ARHGAP6: variants seen among roughly 807,000 people sequenced by gnomAD.
The protein encoded by ARHGAP6 is Rho GTPase activating protein 6, also known as rho GTPase-activating protein 6.
A neutral mutation model predicts 55.7 loss-of-function variants in ARHGAP6; 16 were observed. The observed-to-expected ratio is 0.29, with a 90% CI of 0.19 to 0.44. ARHGAP6 has a LOEUF of 0.44. Ranked by LOEUF, ARHGAP6 falls within the 20% of genes least tolerant of loss-of-function variation. The pLI, the probability that ARHGAP6 is intolerant of heterozygous loss-of-function variation, is 1.00. For missense variants in ARHGAP6, 698 were observed against 808.9 expected (o/e 0.86, Z 1.66); for synonymous variants, 382 against 360.9 (o/e 1.06, Z -0.66).
intron 1 of ARHGAP6, among the ~76,000 whole-genome samples, chrX:11,480,554 A>G (rs2050446083): frequency 8.9e-6 from 1 of 112,240 alleles, no homozygotes; most frequent in African/African-American, 3.2e-5. Context: ...ACACCTCTGT[A>G]AATATACTAA....
At chrX:11,630,177 T>C (rs12836212) in intron 1 of ARHGAP6, among the ~76,000 whole-genome samples, 5 of 112,043 alleles carry the variant, frequency 4.5e-5, no homozygotes, top group Non-Finnish European at 7.5e-5. Context: ...TAGAAAGTTG[T>C]TAGTAGAATT....
At chrX:11,397,142 C>A (rs2049487088) in intron 1 of ARHGAP6, among the ~76,000 whole-genome samples, 1 of 111,795 alleles carries the variant, frequency 8.9e-6, no homozygotes, top group African/African-American at 3.3e-5. Flanking sequence ...AGGTCAGAAT[C>A]AGGCTGCAAA....
chrX:11,488,952 G>A (rs533674942), intron 1 of ARHGAP6, among the ~76,000 whole-genome samples: 1 of 111,890 alleles, frequency 8.9e-6, no homozygotes, highest in East Asian at 2.8e-4. Context: ...CATTTTATCA[G>A]ATGTAACGTG....
chrX:11,167,071 G>A (rs753690441), intron 9 of ARHGAP6, among the ~76,000 whole-genome samples: 2 of 111,885 alleles, frequency 1.8e-5, no homozygotes, highest in South Asian at 7.4e-4. Context: ...GTAAGGCTTG[G>A]TAATATGGAA....
intron 1 of ARHGAP6, among the ~76,000 whole-genome samples, chrX:11,600,102 GC>G (rs1419031460): frequency 9.0e-6 from 1 of 111,689 alleles, no homozygotes; most frequent in Non-Finnish European, 1.9e-5. Context: ...TGCAGTGATA[GC>G]CAAGATACCA....
At chrX:11,439,488 T>A (rs1371918554) in intron 1 of ARHGAP6, among the ~76,000 whole-genome samples, 2 of 112,314 alleles carry the variant, frequency 1.8e-5, no homozygotes, top group African/African-American at 6.5e-5. Flanking sequence ...GCAGAAAATG[T>A]TCACCCACCC....
At chrX:11,492,520 C>T (rs2050581586) in intron 1 of ARHGAP6, among the ~76,000 whole-genome samples, 1 of 111,425 alleles carries the variant, frequency 9.0e-6, no homozygotes, top group Admixed American at 9.6e-5. Context: ...TAATGAACAG[C>T]TAAACAAACA....
intron 1 of ARHGAP6, among the ~76,000 whole-genome samples, chrX:11,317,478 T>C (rs1474709289): frequency 8.9e-6 from 1 of 112,076 alleles, no homozygotes; most frequent in South Asian, 3.7e-4. Context: ...GAGGTGACAC[T>C]TAGAGGGACA....
At chrX:11,508,852 T>TACAC (rs199575300) in intron 1 of ARHGAP6, among the ~76,000 whole-genome samples, 2,411 of 101,923 alleles carry the variant, frequency 0.024, 25 homozygotes, top group Middle Eastern at 0.029. Context: ...CAACTCATAC[T>TACAC]ACACACACAC....
intron 1 of ARHGAP6, among the ~76,000 whole-genome samples, chrX:11,621,012 G>T (rs1159867087): frequency 8.9e-6 from 1 of 112,002 alleles, no homozygotes; most frequent in East Asian, 2.8e-4. Context: ...CTGGAGACTG[G>T]CTCTGCATTA....
chrX:11,503,196 A>G lies in ARHGAP6; in HGVS notation c.588+161045T>C, dbSNP rs776210131. On this transcript the variant is annotated intron_variant, in intron 1 of 12. Transcript: ENST00000337414. The stretch of plus-strand genomic sequence containing the variant: ...CAGGTGTGAGCCACCGTGCCCAGCC[A>G]TATGCAGATTTTATATTGCAGAGAG... 6.9e-4 allele frequency among the ~76,000 whole-genome samples: 77 copies of G among 111,465 alleles called. 1 individual carries two copies. Among genetic ancestry groups the G allele is most frequent in the Non-Finnish European group, 1.2e-3 (65 of 53,024 alleles).
intron 2 of ARHGAP6, among the ~76,000 whole-genome samples, chrX:11,230,909 T>G (rs1009934663): frequency 9.0e-6 from 1 of 110,743 alleles, no homozygotes; most frequent in African/African-American, 3.3e-5. Flanking sequence ...GTGCCTTTGT[T>G]GCACTCCATG....
chrX:11,613,194 A>C (rs781637090), intron 1 of ARHGAP6, among the ~76,000 whole-genome samples: 1 of 112,100 alleles, frequency 8.9e-6, no homozygotes, highest in African/African-American at 3.2e-5. Flanking sequence ...ACCTGACCCA[A>C]GGAGGGTCAA....
intron 1 of ARHGAP6, among the ~76,000 whole-genome samples, chrX:11,585,242 A>ATG (rs1308925353): frequency 2.6e-3 from 290 of 111,962 alleles, no homozygotes; most frequent in African/African-American, 9.0e-3. Context: ...CAATGAACAT[A>ATG]TGTGTGTGTG....
chrX:11,264,128 G>A (rs577456631), intron 1 of ARHGAP6, among the ~76,000 whole-genome samples: 1 of 110,126 alleles, frequency 9.1e-6, no homozygotes, highest in East Asian at 2.9e-4. Flanking sequence ...TGGACTAAAA[G>A]TAAAGACACA....
intron 1 of ARHGAP6, chrX:11,266,064 TGTGTGTGTGA>T (rs1421878638): frequency 5.1e-5 from 21 of 412,013 alleles, no homozygotes; most frequent in Non-Finnish European, 5.6e-5. Context: ...TGTGTGTGTG[TGTGTGTGTGA>T]GAGAGAGAGA....
At chrX:11,497,559 T>TTCTCTCTCTCTCTCTCTCTC (rs34138329) in intron 1 of ARHGAP6, among the ~76,000 whole-genome samples, 3 of 41,144 alleles carry the variant, frequency 7.3e-5, no homozygotes, top group African/African-American at 9.3e-5. Context: ...CCCTCCCTCC[T>TTCTCTCTCTCTCTCTCTCTC]TCTCTCTCTC....
At chrX:11,290,223 G>T (rs1401598675) in intron 1 of ARHGAP6, among the ~76,000 whole-genome samples, 1 of 111,616 alleles carries the variant, frequency 9.0e-6, no homozygotes, top group Non-Finnish European at 1.9e-5. Context: ...CTAAATCACT[G>T]TAGGATTTCT....
intron 10 of ARHGAP6, among the ~76,000 whole-genome samples, chrX:11,147,305 GAC>G (rs201351763): frequency 1.2e-3 from 128 of 103,091 alleles, no homozygotes; most frequent in Admixed American, 7.2e-3. Flanking sequence ...CATATACACA[GAC>G]ACATATTACA....
Sources: allele counts gnomAD v4.1 joint callset (sites outside exome capture counted in the v4.1 genomes callset), GRCh38; gene constraint gnomAD v4.1.1; transcripts MANE v1.5; gene names NCBI Gene and HGNC (gene_info 2026-07-23, HGNC 2026-07-21).